Variants in PIK3C2A observed in about 807,000 individuals in gnomAD.
The protein encoded by PIK3C2A is phosphatidylinositol 4-phosphate 3-kinase C2 domain-containing subunit alpha.
Under a neutral mutation model 204.5 loss-of-function variants are expected in PIK3C2A, and 97 were observed. The observed-to-expected ratio is 0.47, with a 90% CI of 0.40 to 0.56. PIK3C2A has a LOEUF of 0.56. Among genes scored for constraint, PIK3C2A ranks in the 20% least tolerant of loss-of-function variants. PIK3C2A has a pLI of 0.00. For missense variants in PIK3C2A, 1,735 were observed against 1,969.2 expected, an observed-to-expected ratio of 0.88 and a Z score of 2.25; for synonymous variants, 653 against 664.4, an observed-to-expected ratio of 0.98 and a Z score of 0.26.
chr11:17,122,829 A>C lies in PIK3C2A; in HGVS notation c.2400-16T>G, dbSNP rs758364414. 1.0e-6 allele frequency: 1 copy of C among 986,578 alleles called. No individual in the cohort carries two copies. 61.1% of individuals were successfully genotyped at this position (986,578 alleles called of 1,614,324 possible). ...TGTTAAAAACCTTCACGGATGTAAA[A>C]ATAATAATGTGATTTTCATTTTAAA... On this transcript the variant is annotated splice_polypyrimidine_tract_variant and intron_variant, in intron 13 of 32. Coordinates refer to ENST00000691414, the MANE Select transcript of PIK3C2A (RefSeq NM_002645.4).
At chr11:17,177,646 A>G (rs1412927621) in intron 1 of PIK3C2A, among the ~76,000 whole-genome samples, 1 of 152,208 alleles carries the variant, frequency 6.6e-6, no homozygotes, top group East Asian at 1.9e-4. Flanking sequence ...TAATATTCTC[A>G]TATCTCTACT....
chr11:17,198,194 C>T (rs1852229743), intron 1 of PIK3C2A, among the ~76,000 whole-genome samples: 1 of 151,758 alleles, frequency 6.6e-6, no homozygotes, highest in South Asian at 2.1e-4. Flanking sequence ...TTGCAACCTC[C>T]ACCTCCCAGG....
intron 1 of PIK3C2A, among the ~76,000 whole-genome samples, chr11:17,192,199 A>G (rs1041424341): frequency 6.6e-6 from 1 of 152,104 alleles, no homozygotes; most frequent in African/African-American, 2.4e-5. Context: ...GGATCCTCTT[A>G]TTATTTGTTT....
rs566659147 is a variant in PIK3C2A at position 17,087,172 on chromosome 11, G to A, written c.*2566C>T. ...AATTATTTTTAGTCAATAAAGGTGAGTATAAAATATTGTGATTATACATAA... is the reference window on the plus strand; with the variant it reads ...AATTATTTTTAGTCAATAAAGGTGAATATAAAATATTGTGATTATACATAA... On this transcript the variant is annotated 3_prime_UTR_variant, in exon 33 of 33. Coordinates refer to ENST00000691414, the MANE Select transcript of PIK3C2A (RefSeq NM_002645.4). 2.6e-5 allele frequency: 4 copies of A among 152,254 alleles called. No homozygotes were observed. Among genetic ancestry groups the A allele is most frequent in the Non-Finnish European group, 5.9e-5 (4 of 67,998 alleles). The allele number at this position is 152,254 out of a possible 1,614,324, so 9.4% of individuals were successfully genotyped here.
intron 23 of PIK3C2A, among the ~76,000 whole-genome samples, chr11:17,104,635 G>A (rs1848745060): frequency 6.8e-6 from 1 of 147,724 alleles, no homozygotes; most frequent in African/African-American, 2.5e-5. Context: ...TGAGGCAGGA[G>A]AATGGCGTGA....
chr11:17,131,887 AAGAATAAAAAGCC>A lies in PIK3C2A; in HGVS notation c.2231+16_2231+28del. The A allele has an allele frequency of 6.3e-7, 1 of 1,586,630 alleles. No homozygotes were observed. ...AAAAGTAAACAACAGGACACACTGAAAGAATAAAAAGCCAGAAATTTCACTTACAGTTCATCCC... is the reference window on the plus strand; with the variant it reads ...AAAAGTAAACAACAGGACACACTGAAAGAAATTTCACTTACAGTTCATCCC... On this transcript the variant is annotated intron_variant, in intron 12 of 32. Coordinates refer to ENST00000691414, the MANE Select transcript of PIK3C2A (RefSeq NM_002645.4).
Position 17,129,471 on chromosome 11 carries a change from TG to T in PIK3C2A, c.2232-5del, listed in dbSNP as rs761196628. ...TATCTGGATAGGAAAAATGATTCTATGGGGGGAAAAATGTATTAATAGAACA... is the reference window on the plus strand; with the variant it reads ...TATCTGGATAGGAAAAATGATTCTATGGGGGAAAAATGTATTAATAGAACA... On this transcript the variant is annotated splice_region_variant and splice_polypyrimidine_tract_variant and intron_variant, in intron 12 of 32. Coordinates refer to ENST00000691414, the MANE Select transcript of PIK3C2A (RefSeq NM_002645.4). 1.3e-6 allele frequency: 2 copies of T among 1,578,696 alleles called. No individual in the cohort carries two copies. Among genetic ancestry groups the T allele is most frequent in the Admixed American group, 1.7e-5 (1 of 58,766 alleles).
At chr11:17,181,096 T>C (rs1851534354) in intron 1 of PIK3C2A, among the ~76,000 whole-genome samples, 1 of 152,090 alleles carries the variant, frequency 6.6e-6, no homozygotes, top group Non-Finnish European at 1.5e-5. Context: ...GGACAGAACT[T>C]CCATACCCTT....
intron 13 of PIK3C2A, among the ~76,000 whole-genome samples, chr11:17,127,996 T>C (rs938041967): frequency 2.3e-4 from 35 of 152,178 alleles, no homozygotes; most frequent in African/African-American, 7.7e-4. Context: ...CTAAGTGCCC[T>C]GGGGAAAGTC....
chr11:17,168,298 T>C lies in PIK3C2A; in HGVS notation c.1065+379A>G, dbSNP rs61762001. 2.1e-3 allele frequency among the ~76,000 whole-genome samples: 327 copies of C among 152,300 alleles called. 3 individuals are homozygous for C. The highest frequency in any genetic ancestry group is 7.5e-3 in the African/African-American group (310 of 41,574). ...AATATTTTTTTTTCTTAACAAATTA[T>C]GGGCTGGGCGCAGTGGCTCACGCCT... is the stretch of plus-strand genomic sequence containing the variant. On this transcript the variant is annotated intron_variant, in intron 2 of 32. Coordinates refer to ENST00000691414, the MANE Select transcript of PIK3C2A (RefSeq NM_002645.4).
chr11:17,135,685 G>A (rs1487495753), intron 9 of PIK3C2A, among the ~76,000 whole-genome samples: 4 of 21,604 alleles, frequency 1.9e-4, no homozygotes, highest in South Asian at 8.2e-4. Flanking sequence ...ATATGTGTGT[G>A]TGTGTGTGTG....
intron 1 of PIK3C2A, among the ~76,000 whole-genome samples, chr11:17,188,450 T>C (rs1851831332): frequency 1.4e-5 from 2 of 147,128 alleles, no homozygotes; most frequent in Non-Finnish European, 2.9e-5. Context: ...AACACTACTC[T>C]CTTCCCTGGT....
rs988923756 is a variant in PIK3C2A, at chr11:17,152,824, A to G, written c.1170-2169T>C. On this transcript the variant is annotated intron_variant, in intron 3 of 32. Transcript: ENST00000691414. ...ACCAAATCATGCAAAATCAGAACAT[A>G]AAAAGAAGAAAAGAGATAAAAATGA... 2.6e-5 allele frequency among the ~76,000 whole-genome samples: 4 copies of G among 152,234 alleles called. No homozygotes were observed. In the East Asian group the frequency reaches 7.7e-4, roughly 29 times the overall value.
In PIK3C2A at chr11:17,145,873, C is replaced by T. The variant is rs144085067; in HGVS notation, c.1630G>A (p.Ala544Thr). The T allele has an allele frequency of 2.5e-6, 4 of 1,613,196 alleles. No individual in the cohort carries two copies. The highest frequency in any genetic ancestry group is 2.5e-6 in the Non-Finnish European group (3 of 1,179,598). Residue 544 changes from alanine to threonine, a missense_variant, in exon 7 of 33, where the codon GCC (alanine) becomes ACC (threonine). Around this residue, in one of 6 missense-constraint regions of PIK3C2A, gnomAD observed 106 missense variants for 108.2 expected, o/e 0.98. Coordinates refer to ENST00000691414, the MANE Select transcript of PIK3C2A (RefSeq NM_002645.4). ...LYQIEKPCKE[A>T]MTRHPVEELL... ...CTTTAGATGATATACCTCGTCATGG[C>T]TTCTTTGCAAGGTTTTTCTATTTGA...
At chr11:17,108,385 C>T (rs1164791226) in intron 22 of PIK3C2A, among the ~76,000 whole-genome samples, 5 of 152,122 alleles carry the variant, frequency 3.3e-5, no homozygotes, top group Non-Finnish European at 5.9e-5. Context: ...GGTAGGATTT[C>T]GTGAGACCAG....
intron 6 of PIK3C2A, among the ~76,000 whole-genome samples, chr11:17,147,247 T>G (rs186577341): frequency 5.3e-4 from 80 of 152,322 alleles, no homozygotes; most frequent in Admixed American, 9.2e-4. Flanking sequence ...CTCACCCTGA[T>G]GTTTTCACTC....
chr11:17,127,187 A>G lies in PIK3C2A; in HGVS notation c.2399+2113T>C, dbSNP rs188075248. Among the ~76,000 whole-genome samples, 139 of 152,322 alleles carry G rather than the reference A, an allele frequency of 9.1e-4. 1 individual carries two copies. The East Asian group carries it at 0.021, about 23-fold the overall frequency. The stretch of plus-strand genomic sequence containing the variant: ...CCTTTCTTTAGCCTTTGGTAGTTCA[A>G]AATTATGTCAGGTATTAAAATCTGA... On this transcript the variant is annotated intron_variant, in intron 13 of 32. Coordinates refer to ENST00000691414, the MANE Select transcript of PIK3C2A (RefSeq NM_002645.4).
rs976991795 is a variant in PIK3C2A at position 17,129,448 on chromosome 11, T to C, written c.2251A>G (p.Ile751Val). 3.7e-6 allele frequency: 6 copies of C among 1,605,226 alleles called. No individual in the cohort carries two copies. The highest frequency in any genetic ancestry group is 5.1e-6 in the Non-Finnish European group (6 of 1,172,798). The change falls in exon 13 of 33, where the codon ATA becomes GTA. Residue 751 changes from isoleucine to valine, a missense_variant. Ile to Val is a conservative substitution (Grantham distance 29). This residue lies in a region of PIK3C2A where 567 missense variants were observed against 576.0 expected (regional missense o/e 0.98). Transcript: ENST00000691414. ...ACTGATTCTAATGGCAATTGTGATA[T>C]CTGGATAGGAAAAATGATTCTATGG... is the stretch of plus-strand genomic sequence containing the variant. Reference protein sequence around the residue: ...WDELIIFPIQISQLPLESVLH... With the variant: ...WDELIIFPIQVSQLPLESVLH...
intron 8 of PIK3C2A, among the ~76,000 whole-genome samples, chr11:17,138,546 A>C (rs1849952449): frequency 6.6e-6 from 1 of 152,152 alleles, no homozygotes. Context: ...CACAGTCCTC[A>C]GAGTGTTTTA....
Sources: gnomAD v4.1 joint callset for allele counts (sites outside exome capture counted in the v4.1 genomes callset) on GRCh38, gnomAD v4.1.1 for gene constraint, gnomAD v4.1.1 regional missense constraint, MANE v1.5 for transcripts, NCBI Gene and HGNC (gene_info 2026-07-23, HGNC 2026-07-21) for gene names.